LHPP: variants seen among roughly 807,000 people sequenced by gnomAD.
LHPP encodes the protein hLHPP.
LHPP carries 24 observed loss-of-function variants against 30.3 expected under a neutral mutation model. The observed-to-expected ratio is 0.79, with a 90% CI of 0.57 to 1.11. LHPP has a LOEUF of 1.11. Among genes scored for constraint, LHPP ranks in the 50% most tolerant of loss-of-function variants. The pLI is 0.00. For synonymous variants in LHPP, 150 were observed against 157.1 expected, an observed-to-expected ratio of 0.95 and a Z score of 0.34; for missense variants, 356 against 367.2, an observed-to-expected ratio of 0.97 and a Z score of 0.25.
intron 6 of LHPP, among the ~76,000 whole-genome samples, chr10:124,573,785 T>G (rs1463768760): frequency 1.3e-5 from 2 of 152,136 alleles, no homozygotes; most frequent in East Asian, 3.9e-4. Flanking sequence ...GGTGAGATCA[T>G]GGACTTGGGC....
At chr10:124,471,476 ATATATT>A (rs1952744398) in intron 1 of LHPP, among the ~76,000 whole-genome samples, 2 of 1,700 alleles carry the variant, frequency 1.2e-3, no homozygotes, top group South Asian at 7.1e-3. Flanking sequence ...TATATATTAT[ATATATT>A]TATATATTTA....
chr10:124,484,855 G>C (rs1953271924), intron 2 of LHPP, among the ~76,000 whole-genome samples: 1 of 152,154 alleles, frequency 6.6e-6, no homozygotes, highest in South Asian at 2.1e-4. Flanking sequence ...CCTGATTTTA[G>C]TCTGAATGCA....
intron 6 of LHPP, among the ~76,000 whole-genome samples, chr10:124,571,400 G>A (rs529075704): frequency 1.3e-5 from 2 of 152,328 alleles, no homozygotes; most frequent in African/African-American, 4.8e-5. Context: ...TTTAAAGACT[G>A]GATAGGAATA....
At chr10:124,604,984 C>T (rs959873640) in intron 6 of LHPP, among the ~76,000 whole-genome samples, 1 of 152,246 alleles carries the variant, frequency 6.6e-6, no homozygotes, top group Admixed American at 6.5e-5. Flanking sequence ...CGGGGAGAGG[C>T]CGCACCCGTC....
chr10:124,532,370 TG>T (rs1954920245), intron 6 of LHPP, among the ~76,000 whole-genome samples: 1 of 152,212 alleles, frequency 6.6e-6, no homozygotes, highest in Admixed American at 6.5e-5. Flanking sequence ...GGTATGCAGG[TG>T]TGACACACAC....
rs1387443909 is a variant in LHPP at position 124,593,799 on chromosome 10, A to T, written c.717-19465A>T. On this transcript the variant is annotated intron_variant, in intron 6 of 6. Coordinates refer to ENST00000368842, the MANE Select transcript of LHPP (RefSeq NM_022126.4). This position sits in a 1 kb window ranked among gnomAD's most constrained non-coding sequence, Gnocchi z 4.9. The stretch of plus-strand genomic sequence containing the variant: ...CCGGCGCCAGGGGCTCCCTCGGCTG[A>T]CCGAGGGTGTCCCTTACTCCATAAG... 6.6e-6 allele frequency among the ~76,000 whole-genome samples: 1 copy of T among 152,254 alleles called. No individual in the cohort carries two copies. Among genetic ancestry groups the T allele is most frequent in the Non-Finnish European group, 1.5e-5 (1 of 68,048 alleles).
At chr10:124,594,232 A>G (rs1237975430) in intron 6 of LHPP, among the ~76,000 whole-genome samples, 1 of 147,306 alleles carries the variant, frequency 6.8e-6, no homozygotes, top group Non-Finnish European at 1.5e-5. Flanking sequence ...CAGGAGGCGG[A>G]GGCAAGAGAA....
intron 6 of LHPP, among the ~76,000 whole-genome samples, chr10:124,573,424 G>A (rs889438720): frequency 3.9e-5 from 6 of 152,088 alleles, no homozygotes; most frequent in African/African-American, 7.2e-5. Flanking sequence ...TGATCCTCCC[G>A]CCTCAGCCTC....
At chr10:124,544,867 G>A (rs527576959) in intron 6 of LHPP, among the ~76,000 whole-genome samples, 2 of 150,136 alleles carry the variant, frequency 1.3e-5, no homozygotes, top group Admixed American at 6.6e-5. Context: ...CGTGGAAGGC[G>A]ATCACATCGA....
chr10:124,550,238 C>A (rs919613558), intron 6 of LHPP, among the ~76,000 whole-genome samples: 1 of 152,234 alleles, frequency 6.6e-6, no homozygotes, highest in Non-Finnish European at 1.5e-5. Context: ...CTCTCCTGAC[C>A]TGTGTCTTAT....
At chr10:124,467,665 G>A (rs1411279441) in intron 1 of LHPP, among the ~76,000 whole-genome samples, 3 of 151,032 alleles carry the variant, frequency 2.0e-5, no homozygotes, top group African/African-American at 7.3e-5. Flanking sequence ...GGGACTACAG[G>A]TATACCTCCA....
intron 6 of LHPP, among the ~76,000 whole-genome samples, chr10:124,533,131 A>G (rs954224779): frequency 2.0e-5 from 3 of 152,322 alleles, no homozygotes; most frequent in African/African-American, 7.2e-5. Flanking sequence ...TGCTGGGTGC[A>G]TCACGGCCTG....
intron 6 of LHPP, among the ~76,000 whole-genome samples, chr10:124,537,465 G>T (rs1955055983): frequency 6.6e-6 from 1 of 152,238 alleles, no homozygotes; most frequent in African/African-American, 2.4e-5. Flanking sequence ...ATGCGGGGAG[G>T]CTGGCCCCAT....
intron 1 of LHPP, among the ~76,000 whole-genome samples, chr10:124,474,247 C>G (rs561995309): frequency 8.4e-4 from 126 of 149,420 alleles, no homozygotes; most frequent in Non-Finnish European, 1.4e-3. Context: ...TCAAGCGATC[C>G]TTTCACCTCA....
intron 6 of LHPP, among the ~76,000 whole-genome samples, chr10:124,586,971 A>G (rs1238460755): frequency 6.6e-6 from 1 of 151,832 alleles, no homozygotes; most frequent in Non-Finnish European, 1.5e-5. Flanking sequence ...TAAAGGTAAC[A>G]AACAACCCCT....
At position 124,461,851 on chromosome 10, in the gene LHPP, G is replaced by T; in HGVS notation, c.-12G>T. ...GGTTGGGACGCGGAGCTGAGGAGCA[G>T]GGCCGGGCGCCATGGCACCGTGGGG... On this transcript the variant is annotated 5_prime_UTR_variant, in exon 1 of 7. In the 5' UTR this introduces an upstream ATG that the reference lacks. Coordinates refer to ENST00000368842, the MANE Select transcript of LHPP (RefSeq NM_022126.4). 8.1e-7 allele frequency: 1 copy of T among 1,241,658 alleles called. No individual in the cohort carries two copies. Among genetic ancestry groups the T allele is most frequent in the East Asian group, 3.1e-5 (1 of 32,500 alleles). The allele number at this position is 1,241,658 out of a possible 1,614,324, so 76.9% of individuals were successfully genotyped here.
chr10:124,534,531 C>A (rs1954976079), intron 6 of LHPP, among the ~76,000 whole-genome samples: 1 of 152,216 alleles, frequency 6.6e-6, no homozygotes, highest in African/African-American at 2.4e-5. Context: ...AGATCTCAGA[C>A]CCACGACCTA....
At chr10:124,562,870 T>C (rs1948416979) in intron 6 of LHPP, among the ~76,000 whole-genome samples, 1 of 150,954 alleles carries the variant, frequency 6.6e-6, no homozygotes, top group Non-Finnish European at 1.5e-5. Flanking sequence ...AGGCAGAGGT[T>C]GTAGTGAGCC....
chr10:124,533,528 C>T (rs1954947662), intron 6 of LHPP, among the ~76,000 whole-genome samples: 1 of 152,182 alleles, frequency 6.6e-6, no homozygotes, highest in Admixed American at 6.5e-5. Flanking sequence ...ACCAGCCCCT[C>T]CCAGAAGGAT....
Sources: allele counts gnomAD v4.1 joint callset (sites outside exome capture counted in the v4.1 genomes callset), GRCh38; gene constraint gnomAD v4.1.1; non-coding constraint Gnocchi (gnomAD v3.1); transcripts MANE v1.5; gene names NCBI Gene and HGNC (gene_info 2026-07-23, HGNC 2026-07-21).